Variants in ZNF81 observed in about 807,000 individuals in gnomAD.
The protein encoded by ZNF81 is zinc finger protein 81 (HFZ20).
A neutral mutation model predicts 32.3 loss-of-function variants in ZNF81; 5 were observed. That is an observed-to-expected ratio of 0.15 (90% confidence interval 0.08 to 0.33). The LOEUF (loss-of-function observed/expected upper bound fraction) is 0.33. Among genes scored for constraint, ZNF81 ranks in the 10% least tolerant of loss-of-function variants. ZNF81 has a pLI of 1.00. For synonymous variants in ZNF81, 163 were observed against 166.8 expected, an observed-to-expected ratio of 0.98 and a Z score of 0.17; for missense variants, 379 against 479.8, an observed-to-expected ratio of 0.79 and a Z score of 1.96.
chrX:47,848,681 C>T (rs1435429285), intron 2 of ZNF81, among the ~76,000 whole-genome samples: 1 of 111,718 alleles, frequency 9.0e-6, no homozygotes, highest in Non-Finnish European at 1.9e-5. Flanking sequence ...CAAAATGCTT[C>T]AAAATCCAAA....
At position 47,925,158 on chromosome X, in the gene ZNF81, A is replaced by G. The variant is rs782363768; in HGVS notation, c.*8526A>G. Among the ~76,000 whole-genome samples, 1 of 112,052 alleles carries G rather than the reference A, an allele frequency of 8.9e-6. No individual in the cohort carries two copies. The highest frequency in any genetic ancestry group is 9.5e-5 in the Admixed American group (1 of 10,540). The stretch of plus-strand genomic sequence containing the variant: ...ACATATTTTACAGTTTTAATGAGGT[A>G]GAATTAGCATACAGAAAGTGGAACT... On this transcript the variant is annotated 3_prime_UTR_variant, in exon 5 of 5. Coordinates refer to ENST00000338637, the MANE Select transcript of ZNF81 (RefSeq NM_007137.5).
At chrX:47,848,360 G>A (rs2058479742) in intron 2 of ZNF81, among the ~76,000 whole-genome samples, 1 of 111,495 alleles carries the variant, frequency 9.0e-6, no homozygotes, top group Admixed American at 9.6e-5. Context: ...TTGCTTTACT[G>A]ATTTCCATTT....
At position 47,923,170 on chromosome X, in the gene ZNF81, G is replaced by C. The variant is rs1303912178; in HGVS notation, c.*6538G>C. 1.8e-5 allele frequency among the ~76,000 whole-genome samples: 2 copies of C among 111,304 alleles called. No individual in the cohort carries two copies. The highest frequency in any genetic ancestry group is 3.8e-5 in the Non-Finnish European group (2 of 53,032). ...ACAAGAAGTTAATGCATATTGTGTA[G>C]AGCTCTTAGAACTATGCATGGAGAG... is the stretch of plus-strand genomic sequence containing the variant. On this transcript the variant is annotated 3_prime_UTR_variant, in exon 5 of 5. Transcript: ENST00000338637.
At chrX:47,875,711 C>G (rs1354042280) in intron 2 of ZNF81, among the ~76,000 whole-genome samples, 1 of 112,294 alleles carries the variant, frequency 8.9e-6, no homozygotes, top group East Asian at 2.8e-4. Flanking sequence ...AAAGTAAAAT[C>G]TGGCAACACA....
At chrX:47,842,927 CT>C (rs1556879954) in intron 1 of ZNF81, among the ~76,000 whole-genome samples, 1 of 112,031 alleles carries the variant, frequency 8.9e-6, no homozygotes, top group African/African-American at 3.2e-5. Context: ...CACTCGGTTT[CT>C]TTTCTTTTCT....
intron 2 of ZNF81, among the ~76,000 whole-genome samples, chrX:47,883,971 G>C (rs1397267784): frequency 1.8e-5 from 2 of 110,880 alleles, no homozygotes; most frequent in African/African-American, 3.3e-5. Flanking sequence ...ATTGTGGCTG[G>C]GCGTGGTGGC....
At chrX:47,850,935 A>AC (rs1556881156) in intron 2 of ZNF81, among the ~76,000 whole-genome samples, 9 of 37,909 alleles carry the variant, frequency 2.4e-4, no homozygotes, top group African/African-American at 4.8e-4. Flanking sequence ...ACACACACAC[A>AC]ACCCAACACC....
chrX:47,852,159 C>T (rs1406483402), intron 2 of ZNF81, among the ~76,000 whole-genome samples: 1 of 112,218 alleles, frequency 8.9e-6, no homozygotes, highest in Non-Finnish European at 1.9e-5. Context: ...AGTGTATATA[C>T]CTTAATTTAA....
intron 2 of ZNF81, among the ~76,000 whole-genome samples, chrX:47,851,197 C>A (rs1267087213): frequency 1.8e-5 from 2 of 112,185 alleles, no homozygotes; most frequent in African/African-American, 6.5e-5. Context: ...TATCCTTATA[C>A]AAATCTTAGT....
intron 1 of ZNF81, chrX:47,841,490 C>T (rs2058449022): frequency 1.5e-5 from 15 of 1,018,493 alleles, no homozygotes; most frequent in Admixed American, 2.2e-5. Context: ...CACTTCTAGT[C>T]GTCTGAGACG....
chrX:47,849,817 T>C (rs963056965), intron 2 of ZNF81, among the ~76,000 whole-genome samples: 1 of 112,207 alleles, frequency 8.9e-6, no homozygotes, highest in African/African-American at 3.2e-5. Context: ...AGAGGCCTTC[T>C]TGAACAGATA....
chrX:47,842,980 T>G (rs1382751008), intron 1 of ZNF81, among the ~76,000 whole-genome samples: 1 of 112,288 alleles, frequency 8.9e-6, no homozygotes, highest in Non-Finnish European at 1.9e-5. Context: ...GGGAAGCACT[T>G]GTTTTATGGC....
chrX:47,903,297 A>G lies in ZNF81; in HGVS notation c.277+7357A>G, dbSNP rs1362649257. ...CCCTGTTTGCAGATGACATGATTGT[A>G]TATCTAGAAAACCCCATTGTCTCAG... is the stretch of plus-strand genomic sequence containing the variant. On this transcript the variant is annotated intron_variant, in intron 4 of 4. Coordinates refer to ENST00000338637, the MANE Select transcript of ZNF81 (RefSeq NM_007137.5). 1.8e-4 allele frequency among the ~76,000 whole-genome samples: 19 copies of G among 103,481 alleles called. No individual in the cohort carries two copies. In the South Asian group the frequency reaches 7.4e-3, roughly 40 times the overall value. The allele number at this position is 103,481 out of a possible 115,157, so 89.9% of individuals were successfully genotyped here.
Position 47,890,528 on chromosome X carries a change from G to A in ZNF81, c.181+2403G>A, listed in dbSNP as rs147416607. Among the ~76,000 whole-genome samples the A allele has an allele frequency of 2.3e-4, 26 of 111,975 alleles. No homozygotes were observed. The East Asian group carries it at 7.3e-3, about 32-fold the overall frequency. Reference sequence around the variant, plus strand: ...AGATCTGCACTGTGATTCACCTATAGGGGATTGCCAAAGGCTCCAAACAGC... The same window carrying A: ...AGATCTGCACTGTGATTCACCTATAAGGGATTGCCAAAGGCTCCAAACAGC... On this transcript the variant is annotated intron_variant, in intron 3 of 4. Transcript: ENST00000338637.
intron 4 of ZNF81, among the ~76,000 whole-genome samples, chrX:47,903,228 G>A (rs1183444042): frequency 9.4e-6 from 1 of 106,042 alleles, no homozygotes; most frequent in African/African-American, 3.4e-5. Context: ...GGCAGGAGAA[G>A]GAAATAAAGG....
intron 2 of ZNF81, among the ~76,000 whole-genome samples, chrX:47,856,017 C>T (rs782108495): frequency 1.1e-5 from 1 of 94,459 alleles, no homozygotes; most frequent in South Asian, 5.6e-4. Context: ...CCACTGCACT[C>T]CAGCCTGGGT....
rs1360629378 is a variant in ZNF81, at chrX:47,924,442, A to G, written c.*7810A>G. On this transcript the variant is annotated 3_prime_UTR_variant, in exon 5 of 5. Transcript: ENST00000338637. ...TTTGTGTATTAATTTTACCTGAGTT[A>G]TAGTGAGCCATTCCAATCATTCATT... Among the ~76,000 whole-genome samples, 2 of 112,094 alleles carry G rather than the reference A, an allele frequency of 1.8e-5. No homozygotes were observed. Among genetic ancestry groups the G allele is most frequent in the Non-Finnish European group, 3.8e-5 (2 of 53,214 alleles).
chrX:47,850,883 GCACGCGCGCACACACACA>G (rs1195740214), intron 2 of ZNF81, among the ~76,000 whole-genome samples: 1 of 30,754 alleles, frequency 3.3e-5, no homozygotes, highest in African/African-American at 7.8e-5. Context: ...TCATTCACAG[GCACGCGCGCACACACACA>G]CACACACACA....
At chrX:47,914,439 G>A (rs2058749382) in intron 4 of ZNF81, among the ~76,000 whole-genome samples, 1 of 111,993 alleles carries the variant, frequency 8.9e-6, no homozygotes, top group African/African-American at 3.2e-5. Flanking sequence ...TTGCTGCGTT[G>A]TAGTGCAATG....
Sources: gnomAD v4.1 joint callset for allele counts (sites outside exome capture counted in the v4.1 genomes callset) on GRCh38, gnomAD v4.1.1 for gene constraint, MANE v1.5 for transcripts, NCBI Gene and HGNC (gene_info 2026-07-23, HGNC 2026-07-21) for gene names.